Variants in WASF3 observed in about 807,000 individuals in gnomAD.
WASF3 encodes WASP family member 3.
In WASF3, 11 loss-of-function variants were observed where a neutral mutation model predicts 46.6. The ratio of observed to expected loss-of-function variants is 0.24; its 90% CI spans 0.15 to 0.39. WASF3 has a LOEUF of 0.39. WASF3 is among the 10% of genes least tolerant of loss of function. The pLI is 1.00. For missense variants in WASF3, 576 were observed against 669.8 expected, an observed-to-expected ratio of 0.86 and a Z score of 1.55; for synonymous variants, 242 against 259.7, an observed-to-expected ratio of 0.93 and a Z score of 0.65.
intron 3 of WASF3, among the ~76,000 whole-genome samples, chr13:26,661,926 C>T (rs17450356): frequency 0.32 from 48,616 of 152,014 alleles, 9,030 homozygotes; most frequent in Non-Finnish European, 0.42. Context: ...GGGCTTTGGT[C>T]TGCCCCTGTG....
intron 3 of WASF3, among the ~76,000 whole-genome samples, chr13:26,647,736 A>G (rs1420918804): frequency 1.3e-5 from 2 of 152,058 alleles, no homozygotes; most frequent in African/African-American, 4.8e-5. Context: ...TCACAAAGAA[A>G]GGAGTTAGAA....
the WASF3 span, among the ~76,000 whole-genome samples, chr13:26,539,662 A>G: frequency 6.6e-6 from 1 of 152,114 alleles, no homozygotes. Context: ...CCCATCACAC[A>G]TCTGTCCTTT....
Position 26,642,253 on chromosome 13 carries a change from A to G in WASF3, c.-10-8A>G, listed in dbSNP as rs754461027. On this transcript the variant is annotated splice_polypyrimidine_tract_variant and splice_region_variant and intron_variant, in intron 2 of 9. Transcript: ENST00000335327. ...TGAGCTTATAAAGAATGTGTTTTCA[A>G]TTTTCAGATTGTGAACCATGCCTTT... The G allele has an allele frequency of 4.5e-5, 68 of 1,523,850 alleles. No homozygotes were observed. Among genetic ancestry groups the G allele is most frequent in the Admixed American group, 2.4e-4 (10 of 41,106 alleles). 94.4% of individuals were successfully genotyped at this position (1,523,850 alleles called of 1,614,324 possible).
intron 6 of WASF3, among the ~76,000 whole-genome samples, chr13:26,674,223 T>C (rs917927750): frequency 6.6e-6 from 1 of 152,210 alleles, no homozygotes; most frequent in Non-Finnish European, 1.5e-5. Context: ...GTTGCAAATA[T>C]CATAACACTT....
At chr13:26,659,312 G>A (rs1593175048) in intron 3 of WASF3, among the ~76,000 whole-genome samples, 2 of 152,188 alleles carry the variant, frequency 1.3e-5, no homozygotes, top group East Asian at 3.9e-4. Flanking sequence ...GGATGCTTGG[G>A]TATGTCTGAG....
At chr13:26,604,393 A>G (rs1171166218) in intron 1 of WASF3, among the ~76,000 whole-genome samples, 1 of 152,116 alleles carries the variant, frequency 6.6e-6, no homozygotes, top group Non-Finnish European at 1.5e-5. Flanking sequence ...TTGCAATCAA[A>G]GCTGTTTAAT....
chr13:26,637,609 T>C (rs1343177197), intron 2 of WASF3, among the ~76,000 whole-genome samples: 1 of 152,254 alleles, frequency 6.6e-6, no homozygotes, highest in African/African-American at 2.4e-5. Context: ...GTTATCCTTA[T>C]GCAGGGCATT....
chr13:26,675,480 A>G (rs1883037363), intron 6 of WASF3, among the ~76,000 whole-genome samples: 1 of 50,624 alleles, frequency 2.0e-5, no homozygotes, highest in Non-Finnish European at 4.0e-5. Context: ...CTAGACACAC[A>G]TACACACACA....
chr13:26,573,115 G>T (rs1879689337), intron 1 of WASF3, among the ~76,000 whole-genome samples: 1 of 152,100 alleles, frequency 6.6e-6, no homozygotes, highest in Non-Finnish European at 1.5e-5. Context: ...GTTTTTTGGG[G>T]GAGGGTAGTT....
At chr13:26,576,726 T>C (rs71431795) in intron 1 of WASF3, among the ~76,000 whole-genome samples, 22 of 152,364 alleles carry the variant, frequency 1.4e-4, no homozygotes, top group Middle Eastern at 3.4e-3. Flanking sequence ...CAGTTAACTT[T>C]AAAAATAACT....
At chr13:26,612,384 C>A (rs1327752622) in intron 1 of WASF3, among the ~76,000 whole-genome samples, 3 of 152,196 alleles carry the variant, frequency 2.0e-5, no homozygotes, top group Non-Finnish European at 4.4e-5. Flanking sequence ...CAACATTGAT[C>A]AGTTTGCTCT....
chr13:26,625,044 G>T (rs1431215638), intron 2 of WASF3, among the ~76,000 whole-genome samples: 1 of 152,074 alleles, frequency 6.6e-6, no homozygotes, highest in Non-Finnish European at 1.5e-5. Context: ...TCTAAACAAA[G>T]AAATGAAGAG....
rs777126606 is a variant in WASF3 at position 26,679,802 on chromosome 13, C to T, written c.717-1252C>T. On this transcript the variant is annotated intron_variant, in intron 7 of 9. Transcript: ENST00000335327. The surrounding 1 kb of genome is among the most constrained non-coding windows in gnomAD (Gnocchi z 4.8). ...ACATAATCAGAAGTGCACCATAATC[C>T]AGAATTCATACTGCAATTAGGGAAG... is the stretch of plus-strand genomic sequence containing the variant. 5.3e-5 allele frequency among the ~76,000 whole-genome samples: 8 copies of T among 152,158 alleles called. No individual in the cohort carries two copies. The highest frequency in any genetic ancestry group is 8.8e-5 in the Non-Finnish European group (6 of 68,038).
At chr13:26,634,566 A>G (rs1443754444) in intron 2 of WASF3, among the ~76,000 whole-genome samples, 1 of 152,198 alleles carries the variant, frequency 6.6e-6, no homozygotes, top group Admixed American at 6.5e-5. Context: ...TAATTGATCC[A>G]GTTTATTCAT....
chr13:26,609,938 C>G (rs1593146179), intron 1 of WASF3, among the ~76,000 whole-genome samples: 1 of 152,344 alleles, frequency 6.6e-6, no homozygotes, highest in Non-Finnish European at 1.5e-5. Flanking sequence ...CCACTAGCCA[C>G]ATGTTACTAT....
At chr13:26,579,493 T>C (rs942475038) in intron 1 of WASF3, among the ~76,000 whole-genome samples, 22 of 152,184 alleles carry the variant, frequency 1.4e-4, no homozygotes, top group African/African-American at 5.3e-4. Flanking sequence ...GGAAGTAAGG[T>C]TGAAAGTAGT....
intron 2 of WASF3, among the ~76,000 whole-genome samples, chr13:26,620,900 T>G (rs1017582505): frequency 3.9e-5 from 6 of 152,222 alleles, no homozygotes; most frequent in African/African-American, 1.4e-4. Flanking sequence ...TTCATTACAT[T>G]ATTCCATAGA....
the WASF3 span, among the ~76,000 whole-genome samples, chr13:26,543,067 C>T: frequency 6.6e-6 from 1 of 152,136 alleles, no homozygotes; most frequent in Non-Finnish European, 1.5e-5. Context: ...CATGTCCTTT[C>T]AGTGTCCTGT....
chr13:26,666,628 G>A (rs1181122832), intron 4 of WASF3, among the ~76,000 whole-genome samples: 3 of 152,114 alleles, frequency 2.0e-5, no homozygotes, highest in Admixed American at 6.5e-5. Context: ...GGCTGGGCGC[G>A]GTGGCTCACG....
Sources: allele counts gnomAD v4.1 joint callset (sites outside exome capture counted in the v4.1 genomes callset), GRCh38; gene constraint gnomAD v4.1.1; non-coding constraint Gnocchi (gnomAD v3.1); transcripts MANE v1.5; gene names NCBI Gene and HGNC (gene_info 2026-07-23, HGNC 2026-07-21).